Variants in TBL1Y observed in about 807,000 individuals in gnomAD.
The protein encoded by TBL1Y is transducin beta like 1 Y-linked, also known as F-box-like/WD repeat-containing protein TBL1Y.
TBL1Y carries 15 observed loss-of-function variants against 12.0 expected under a neutral mutation model. That is an observed-to-expected ratio of 1.25 (90% CI 0.83 to 1.92). TBL1Y has a LOEUF of 1.92. Ranked by LOEUF, TBL1Y falls within the 40% of genes most tolerant of loss-of-function variation. The pLI is 0.00. For synonymous variants in TBL1Y, 53 were observed against 42.6 expected, an observed-to-expected ratio of 1.24 and a Z score of -0.95; for missense variants, 148 against 116.7, an observed-to-expected ratio of 1.27 and a Z score of -1.24.
Position 6,977,441 on chromosome Y carries a change from C to T in TBL1Y, c.-265-772C>T, listed in dbSNP as rs577926750. On this transcript the variant is annotated intron_variant, in intron 2 of 18. Coordinates refer to ENST00000383032, the MANE Select transcript of TBL1Y (RefSeq NM_033284.2). ...GTAGGATGTCAGAAACATCATCCAC[C>T]CCAAGTTATGACAATCTTGAACATC... Among the ~76,000 whole-genome samples the T allele has an allele frequency of 1.5e-3, 49 of 32,889 alleles. No homozygotes were observed. The South Asian group carries it at 0.033, about 22-fold the overall frequency. 88.2% of individuals were successfully genotyped at this position (32,889 alleles called of 37,273 possible).
chrY:7,053,314 G>A (rs2012808899), intron 7 of TBL1Y, among the ~76,000 whole-genome samples: 1 of 33,718 alleles, frequency 3.0e-5, no homozygotes, highest in Non-Finnish European at 7.3e-5. Context: ...TCTGCCAAGA[G>A]TGTCCCCTTT....
At chrY:7,079,673 T>C (rs2013081388) in intron 13 of TBL1Y, among the ~76,000 whole-genome samples, 1 of 34,571 alleles carries the variant, frequency 2.9e-5, no homozygotes, top group South Asian at 6.5e-4. Context: ...TTGTTGACTG[T>C]AATTATCTCC....
At chrY:6,943,065 G>C (rs2011963169) in intron 2 of TBL1Y, among the ~76,000 whole-genome samples, 1 of 33,094 alleles carries the variant, frequency 3.0e-5, no homozygotes, top group Non-Finnish European at 7.4e-5. Context: ...GGAGATTTTT[G>C]AGGGTTTAGC....
chrY:6,982,453 CAAACA>C (rs2012293028), intron 3 of TBL1Y, among the ~76,000 whole-genome samples: 1 of 31,874 alleles, frequency 3.1e-5, no homozygotes, highest in South Asian at 7.3e-4. Flanking sequence ...ACCCTGTCTC[CAAACA>C]AACAAACAAA....
chrY:7,010,032 C>CA (rs767441364), intron 4 of TBL1Y, among the ~76,000 whole-genome samples: 48 of 7,462 alleles, frequency 6.4e-3, no homozygotes, highest in Admixed American at 9.8e-3. Context: ...ACTCCAGTCT[C>CA]AAAAAAAAAA....
intron 2 of TBL1Y, among the ~76,000 whole-genome samples, chrY:6,924,303 G>T (rs747992403): frequency 3.0e-5 from 1 of 32,836 alleles, no homozygotes; most frequent in South Asian, 7.0e-4. Context: ...GAGAAGTGAA[G>T]TTGGGCCAGG....
chrY:7,061,408 C>G, intron 7 of TBL1Y, among the ~76,000 whole-genome samples: 3 of 32,623 alleles, frequency 9.2e-5, no homozygotes. Flanking sequence ...TAAATTCACC[C>G]TGACTTTTAA....
At chrY:7,084,886 C>G in intron 14 of TBL1Y, among the ~76,000 whole-genome samples, 4 of 31,941 alleles carry the variant, frequency 1.3e-4, no homozygotes, top group African/African-American at 5.0e-4. Flanking sequence ...GGTCACCCGT[C>G]TTTCACCTGA....
chrY:7,009,746 C>T (rs746593803), intron 4 of TBL1Y, among the ~76,000 whole-genome samples: 3 of 33,200 alleles, frequency 9.0e-5, no homozygotes, highest in Non-Finnish European at 2.2e-4. Context: ...TTAGAAAATC[C>T]TAAAATTGGC....
intron 6 of TBL1Y, among the ~76,000 whole-genome samples, chrY:7,026,146 C>T (rs759620334): frequency 6.3e-4 from 21 of 33,511 alleles, no homozygotes; most frequent in African/African-American, 2.2e-3. Context: ...ATGTGAGGCA[C>T]GTAACATGTT....
chrY:6,993,713 G>C, intron 3 of TBL1Y, among the ~76,000 whole-genome samples: 1 of 32,268 alleles, frequency 3.1e-5, no homozygotes, highest in South Asian at 7.3e-4. Context: ...TTGATTCTGA[G>C]ATGGAGGCTC....
intron 17 of TBL1Y, among the ~76,000 whole-genome samples, chrY:7,089,228 T>C (rs2013158935): frequency 5.9e-5 from 2 of 34,129 alleles, no homozygotes; most frequent in South Asian, 1.3e-3. Flanking sequence ...CTGTTACACA[T>C]ATGTTACGCA....
At chrY:7,040,679 A>G in intron 6 of TBL1Y, among the ~76,000 whole-genome samples, 1 of 34,004 alleles carries the variant, frequency 2.9e-5, no homozygotes, top group African/African-American at 1.2e-4. Flanking sequence ...GTGAAAGGTA[A>G]AAAGTGTAAT....
intron 2 of TBL1Y, among the ~76,000 whole-genome samples, chrY:6,927,266 G>A (rs777647090): frequency 3.1e-5 from 1 of 32,494 alleles, no homozygotes; most frequent in African/African-American, 1.2e-4. Context: ...CTCTTATTGC[G>A]TAGGCTGGAG....
chrY:7,018,286 A>T, intron 4 of TBL1Y, among the ~76,000 whole-genome samples: 2 of 33,526 alleles, frequency 6.0e-5, no homozygotes, highest in Non-Finnish European at 1.5e-4. Flanking sequence ...CTCATTGATT[A>T]TATATAGTAC....
chrY:6,977,131 G>A, intron 2 of TBL1Y, among the ~76,000 whole-genome samples: 1 of 33,191 alleles, frequency 3.0e-5, no homozygotes. Context: ...TGGGGAATGG[G>A]AAACCATTTA....
chrY:6,951,009 C>A (rs2012019871), intron 2 of TBL1Y, among the ~76,000 whole-genome samples: 1 of 33,256 alleles, frequency 3.0e-5, no homozygotes, highest in Non-Finnish European at 7.4e-5. Context: ...GTTGAACCAG[C>A]CTTGCATCCC....
At chrY:6,953,037 A>C in intron 2 of TBL1Y, among the ~76,000 whole-genome samples, 1 of 33,732 alleles carries the variant, frequency 3.0e-5, no homozygotes, top group Non-Finnish European at 7.3e-5. Context: ...AGTTTCTGCC[A>C]AGAGATCTGA....
At chrY:7,073,068 T>C (rs2013043468) in intron 12 of TBL1Y, among the ~76,000 whole-genome samples, 1 of 34,040 alleles carries the variant, frequency 2.9e-5, no homozygotes, top group Non-Finnish European at 7.3e-5. Context: ...TTTGTGATGA[T>C]TTCGGGATAA....
Sources: gnomAD v4.1 joint callset for allele counts (sites outside exome capture counted in the v4.1 genomes callset) on GRCh38, gnomAD v4.1.1 for gene constraint, MANE v1.5 for transcripts, NCBI Gene and HGNC (gene_info 2026-07-23, HGNC 2026-07-21) for gene names.